The following MACF1 variants were observed in gnomAD, a reference collection of about 807,000 sequenced individuals.
MACF1 encodes microtubule actin crosslinking factor 1, also known as microtubule-actin cross-linking factor 1.
Under a neutral mutation model 854.8 loss-of-function variants are expected in MACF1, and 193 were observed. The ratio of observed to expected loss-of-function variants is 0.23; its 90% CI spans 0.20 to 0.25. The LOEUF (loss-of-function observed/expected upper bound fraction) is 0.25, where lower values mean the gene tolerates loss of function less well. MACF1 is among the 10% of genes least tolerant of loss of function. The pLI, the probability that MACF1 is intolerant of heterozygous loss-of-function variation, is 1.00. For missense variants in MACF1, 7,722 were observed against 8,929.1 expected (o/e 0.86, Z 5.45); for synonymous variants, 3,185 against 3,226.7 (o/e 0.99, Z 0.44).
chr1:39,233,027 T>G (rs1322367312), intron 2 of MACF1, among the ~76,000 whole-genome samples: 1 of 85,804 alleles, frequency 1.2e-5, no homozygotes, highest in Admixed American at 1.3e-4. Context: ...TTGTTGTTGT[T>G]GTTGTGTTTT....
At chr1:39,343,383 A>G (rs2148488141) in intron 40 of MACF1, among the ~76,000 whole-genome samples, 1 of 152,338 alleles carries the variant, frequency 6.6e-6, no homozygotes, top group Middle Eastern at 3.4e-3. Flanking sequence ...TTATCACGCA[A>G]GAGTTGACCT....
In MACF1 at chr1:39,317,539, A is replaced by G. The variant is rs546088110; in HGVS notation, c.3782+132A>G. On this transcript the variant is annotated intron_variant, in intron 29 of 100. Coordinates refer to ENST00000564288, the MANE Select transcript of MACF1 (RefSeq NM_001394062.1). Reference sequence around the variant, plus strand: ...GGAGGGGTGGAAATTTAAAAACCACATAAATTCTGGACAAGTAAGTGACAG... The same window carrying G: ...GGAGGGGTGGAAATTTAAAAACCACGTAAATTCTGGACAAGTAAGTGACAG... 344 of 1,029,874 alleles carry G rather than the reference A, an allele frequency of 3.3e-4. 2 individuals carry two copies. The highest frequency in any genetic ancestry group is 1.8e-3 in the South Asian group (103 of 56,828). The allele number at this position is 1,029,874 out of a possible 1,614,324, so 63.8% of individuals were successfully genotyped here. A position where few individuals can be genotyped will look rare whatever the true frequency, so the allele number is the denominator to read the frequency against.
chr1:39,303,289 G>C (rs1478559570), intron 23 of MACF1, among the ~76,000 whole-genome samples: 1 of 152,180 alleles, frequency 6.6e-6, no homozygotes, highest in Admixed American at 6.5e-5. Context: ...TATCTTCAGT[G>C]ATATTTCTTT....
chr1:39,195,532 T>G (rs1472964432), intron 2 of MACF1, among the ~76,000 whole-genome samples: 1 of 152,164 alleles, frequency 6.6e-6, no homozygotes, highest in African/African-American at 2.4e-5. Context: ...TGCTAAACTT[T>G]ATGAGAGAAA....
chr1:39,441,017 G>C lies in MACF1; in HGVS notation c.18462G>C (p.Glu6154Asp). Reference protein sequence around the residue: ...QVEAAETIKEETDGLHEELEF... With the variant: ...QVEAAETIKEDTDGLHEELEF... ...TTTACATGTAGACTATTAAGGAAGAGACAGATGGTCTGCATGAAGAGCTGG... is the reference window on the plus strand; with the variant it reads ...TTTACATGTAGACTATTAAGGAAGACACAGATGGTCTGCATGAAGAGCTGG... Residue 6154 changes from glutamate (E) to aspartate (D), a missense_variant, in exon 73 of 101, where the codon GAG becomes GAC. Glu to Asp is a conservative substitution (Grantham distance 45). Around this residue, in one of 15 missense-constraint regions of MACF1, gnomAD observed 2,807 missense variants for 3,235.8 expected, o/e 0.87. Transcript: ENST00000564288. 6.2e-7 allele frequency: 1 copy of C among 1,614,168 alleles called. No individual in the cohort carries two copies. The highest frequency in any genetic ancestry group is 1.1e-5 in the South Asian group (1 of 91,084).
chr1:39,333,320 A>G lies in MACF1; in HGVS notation c.6732A>G (p.Gln2244=). 2 of 1,614,158 alleles carry G rather than the reference A, an allele frequency of 1.2e-6. No homozygotes were observed. Among genetic ancestry groups the G allele is most frequent in the East Asian group, 2.2e-5 (1 of 44,886 alleles). Residue 2244 remains glutamine (Q), a synonymous_variant, in exon 37 of 101, where the codon CAA becomes CAG. Coordinates refer to ENST00000564288, the MANE Select transcript of MACF1 (RefSeq NM_001394062.1). ...FLAKDDHKES[Q]EAQNIAGGSM... is the part of the protein sequence containing the mutation. ...CTAAGGATGACCATAAAGAAAGTCAAGAAGCACAGAACATCGCAGGTGGTA... is the reference window on the plus strand; with the variant it reads ...CTAAGGATGACCATAAAGAAAGTCAGGAAGCACAGAACATCGCAGGTGGTA...
At chr1:39,091,334 C>A (rs1641796883) in intron 2 of MACF1, among the ~76,000 whole-genome samples, 1 of 152,196 alleles carries the variant, frequency 6.6e-6, no homozygotes, top group Non-Finnish European at 1.5e-5. Context: ...TCATTGCTCA[C>A]TTGCTAATTG....
chr1:39,102,962 A>G (rs1204931976), intron 2 of MACF1: 2 of 701,312 alleles, frequency 2.9e-6, no homozygotes, highest in South Asian at 3.0e-5. Flanking sequence ...TCTCTGTATA[A>G]AACAGGAACA....
At chr1:39,429,144 T>C in intron 63 of MACF1, 98 bp from the exon 64 acceptor site, 1 of 640,576 alleles carries the variant, frequency 1.6e-6, no homozygotes, top group South Asian at 2.1e-5. Flanking sequence ...TAAACTAGTA[T>C]TCATCTCTTT....
Position 39,480,912 on chromosome 1 carries a change from TTTCACAGAC to T in MACF1, c.22171-2_22177del. 6.7e-7 allele frequency: 1 copy of T among 1,497,646 alleles called. No individual in the cohort carries two copies. Among genetic ancestry groups the T allele is most frequent in the South Asian group, 1.2e-5 (1 of 82,836 alleles). The allele number at this position is 1,497,646 out of a possible 1,614,324, so 92.8% of individuals were successfully genotyped here. ...TCCTGTCCTTCCCTTTGGATTTCCG[TTTCACAGAC>T]TTCACTTCAGTTCTCTCGCTGTTAT... is the stretch of plus-strand genomic sequence containing the variant. On this transcript the variant is annotated splice_acceptor_variant and splice_polypyrimidine_tract_variant and coding_sequence_variant and intron_variant, in exon 99 of 101. Coordinates refer to ENST00000564288, the MANE Select transcript of MACF1 (RefSeq NM_001394062.1). LOFTEE classifies it high-confidence loss of function.
chr1:39,437,724 C>T (rs1359498447), intron 70 of MACF1, 53 bp from the exon 71 acceptor site: 2 of 1,319,710 alleles, frequency 1.5e-6, no homozygotes, highest in African/African-American at 1.4e-5. Flanking sequence ...TAACACTTCT[C>T]CAAGAAGAGT....
chr1:39,156,571 A>G (rs1407138354), intron 2 of MACF1, among the ~76,000 whole-genome samples: 1 of 152,156 alleles, frequency 6.6e-6, no homozygotes, highest in African/African-American at 2.4e-5. Flanking sequence ...GTGAGCCAAG[A>G]TTGTGCCACT....
chr1:39,449,349 A>T (rs1644288363), intron 84 of MACF1, among the ~76,000 whole-genome samples: 1 of 152,108 alleles, frequency 6.6e-6, no homozygotes, highest in African/African-American at 2.4e-5. Context: ...ATCTATTTGT[A>T]CCCACTATGC....
chr1:39,386,437 CT>C (rs10707907), intron 57 of MACF1, among the ~76,000 whole-genome samples: 48,876 of 137,372 alleles, frequency 0.36, 9,158 homozygotes, highest in African/African-American at 0.52. Flanking sequence ...ATTTTTTTTT[CT>C]TTTTTTTTTT....
chr1:39,365,732 G>A (rs567011488), intron 49 of MACF1, among the ~76,000 whole-genome samples: 1 of 151,478 alleles, frequency 6.6e-6, no homozygotes, highest in South Asian at 2.1e-4. Flanking sequence ...CTGGGGTGCA[G>A]TGGCATGATC....
At chr1:39,411,623 T>G (rs1424710186) in intron 58 of MACF1, 1 of 1,613,840 alleles carries the variant, frequency 6.2e-7, no homozygotes, top group African/African-American at 1.3e-5. Flanking sequence ...GTGGGTACTA[T>G]TGATGCAGAA....
intron 22 of MACF1, among the ~76,000 whole-genome samples, chr1:39,301,839 T>G (rs1329821574): frequency 6.6e-6 from 1 of 152,150 alleles, no homozygotes; most frequent in Non-Finnish European, 1.5e-5. Context: ...AGTTCTTGAG[T>G]AATCTGTCTT....
intron 97 of MACF1, 76 bp from the exon 98 acceptor site, chr1:39,479,722 T>C: frequency 7.7e-7 from 1 of 1,305,930 alleles, no homozygotes; most frequent in Non-Finnish European, 1.1e-6. Flanking sequence ...TATCATGGGG[T>C]CAAGCCGCTG....
Position 39,475,996 on chromosome 1 carries a change from A to G in MACF1, c.21959-3802A>G, listed in dbSNP as rs941620602. On this transcript the variant is annotated intron_variant, in intron 97 of 100. Coordinates refer to ENST00000564288, the MANE Select transcript of MACF1 (RefSeq NM_001394062.1). ...GAGGACAGGGTTTCAAAAACAAGAG[A>G]GCAGTGTGTAGTAACCCTCCACATG... Among the ~76,000 whole-genome samples the G allele has an allele frequency of 2.8e-4, 42 of 152,168 alleles. 1 individual carries two copies. The highest frequency in any genetic ancestry group is 5.9e-5 in the Non-Finnish European group (4 of 68,038).
Sources: allele counts gnomAD v4.1 joint callset (sites outside exome capture counted in the v4.1 genomes callset), GRCh38; gene constraint gnomAD v4.1.1; regional missense constraint gnomAD v4.1.1; transcripts MANE v1.5; gene names NCBI Gene and HGNC (gene_info 2026-07-23, HGNC 2026-07-21).